Variants in LRMDA observed in about 807,000 individuals in gnomAD.
The protein encoded by LRMDA is leucine rich melanocyte differentiation associated, also known as leucine-rich melanocyte differentiation-associated protein.
LRMDA carries 18 observed loss-of-function variants against 29.8 expected under a neutral mutation model. The observed-to-expected ratio is 0.60, with a 90% CI of 0.42 to 0.90. The LOEUF (loss-of-function observed/expected upper bound fraction) is 0.90, where lower values mean the gene tolerates loss of function less well. LRMDA is among the 40% of genes least tolerant of loss of function. The pLI is 0.00. For missense variants in LRMDA, 273 were observed against 273.9 expected (o/e 1.00, Z 0.02); for synonymous variants, 125 against 109.4 (o/e 1.14, Z -0.89).
chr10:76,044,251 G>A (rs1240793980), intron 3 of LRMDA, among the ~76,000 whole-genome samples: 1 of 152,162 alleles, frequency 6.6e-6, no homozygotes, highest in Non-Finnish European at 1.5e-5. Context: ...AACCAAGCCT[G>A]GGACTGAGGC....
At chr10:76,540,600 TAC>T (rs1339484447) in intron 6 of LRMDA, among the ~76,000 whole-genome samples, 1 of 152,184 alleles carries the variant, frequency 6.6e-6, no homozygotes, top group East Asian at 1.9e-4. Context: ...TTCCAGTTGC[TAC>T]ACACACAATA....
chr10:75,801,216 A>G (rs547222763), intron 2 of LRMDA, among the ~76,000 whole-genome samples: 1 of 152,348 alleles, frequency 6.6e-6, no homozygotes, highest in Admixed American at 6.5e-5. Flanking sequence ...CTGTTCAGGG[A>G]TAAGCCCAGG....
chr10:75,968,725 C>T (rs1436479828), intron 2 of LRMDA, among the ~76,000 whole-genome samples: 1 of 152,182 alleles, frequency 6.6e-6, no homozygotes, highest in Non-Finnish European at 1.5e-5. Flanking sequence ...GTTGTTTTTC[C>T]TCTCATTCCT....
chr10:75,669,936 G>A (rs1027158935), intron 2 of LRMDA, among the ~76,000 whole-genome samples: 1 of 152,168 alleles, frequency 6.6e-6, no homozygotes. Flanking sequence ...GAGCAGATGA[G>A]AAGTACACTT....
At chr10:75,989,260 T>C (rs1474468494) in intron 2 of LRMDA, among the ~76,000 whole-genome samples, 4 of 152,184 alleles carry the variant, frequency 2.6e-5, no homozygotes, top group Non-Finnish European at 4.4e-5. Context: ...GATTGGGTAA[T>C]TTATAAAGAG....
chr10:75,522,269 G>A (rs1845370541), intron 2 of LRMDA, among the ~76,000 whole-genome samples: 1 of 152,202 alleles, frequency 6.6e-6, no homozygotes, highest in Non-Finnish European at 1.5e-5. Context: ...CATGTGGCTA[G>A]TAAGTTTCAT....
chr10:76,540,831 CATT>C (rs1462158943), intron 6 of LRMDA, among the ~76,000 whole-genome samples: 2 of 152,166 alleles, frequency 1.3e-5, no homozygotes, highest in African/African-American at 2.4e-5. Flanking sequence ...AGACTTGCCT[CATT>C]GTTGTACTGA....
chr10:76,442,082 A>G (rs1344905298), intron 6 of LRMDA, among the ~76,000 whole-genome samples: 2 of 151,932 alleles, frequency 1.3e-5, no homozygotes, highest in African/African-American at 4.8e-5. Flanking sequence ...TCTGATGAAA[A>G]CCCTCATAAT....
Position 76,047,322 on chromosome 10 carries a change from GA to G in LRMDA, c.398+20del. 6.3e-7 allele frequency: 1 copy of G among 1,586,642 alleles called. No individual in the cohort carries two copies. Among genetic ancestry groups the G allele is most frequent in the Non-Finnish European group, 8.6e-7 (1 of 1,168,566 alleles). On this transcript the variant is annotated intron_variant, in intron 4 of 6. Coordinates refer to ENST00000611255, the MANE Select transcript of LRMDA (RefSeq NM_001305581.2). ...GATACAGGTGAGTGTCCAGGGGTTG[GA>G]CCATGGTGGGAAAAGGGAAAAAGAG... is the stretch of plus-strand genomic sequence containing the variant.
chr10:76,174,148 G>A (rs117524783), intron 5 of LRMDA, among the ~76,000 whole-genome samples: 1 of 152,086 alleles, frequency 6.6e-6, no homozygotes, highest in Non-Finnish European at 1.5e-5. Context: ...TGTGATGTTA[G>A]CATTATCCTG....
chr10:75,534,826 C>T, intron 2 of LRMDA, among the ~76,000 whole-genome samples: 1 of 152,150 alleles, frequency 6.6e-6, no homozygotes, highest in East Asian at 1.9e-4. Flanking sequence ...ATGTTTCTTT[C>T]TTCCTCCCCT....
chr10:75,451,235 G>A (rs1164088577), intron 2 of LRMDA: 2 of 152,202 alleles, frequency 1.3e-5, no homozygotes, highest in Non-Finnish European at 2.9e-5. Flanking sequence ...TAGATACTGC[G>A]TGAGTGTGTC....
At chr10:75,533,156 G>A (rs1239039476) in intron 2 of LRMDA, among the ~76,000 whole-genome samples, 1 of 152,228 alleles carries the variant, frequency 6.6e-6, no homozygotes, top group African/African-American at 2.4e-5. Flanking sequence ...CTGCAGAGCT[G>A]TAGAATATTC....
intron 6 of LRMDA, among the ~76,000 whole-genome samples, chr10:76,391,109 T>C (rs533290934): frequency 1.3e-5 from 2 of 152,290 alleles, no homozygotes; most frequent in East Asian, 3.9e-4. Context: ...CTCTAACCAA[T>C]ATTCCAAAGA....
intron 2 of LRMDA, among the ~76,000 whole-genome samples, chr10:75,592,999 C>G (rs1589196361): frequency 6.6e-6 from 1 of 152,140 alleles, no homozygotes; most frequent in South Asian, 2.1e-4. Context: ...TCTCCACCCC[C>G]TCCTCCTCTC....
At chr10:75,627,973 T>C (rs1325842053) in intron 2 of LRMDA, among the ~76,000 whole-genome samples, 1 of 152,240 alleles carries the variant, frequency 6.6e-6, no homozygotes, top group Non-Finnish European at 1.5e-5. Flanking sequence ...CTGTCTGTCT[T>C]GGTCAACATA....
At chr10:76,531,768 G>T (rs939940345) in intron 6 of LRMDA, among the ~76,000 whole-genome samples, 1 of 152,056 alleles carries the variant, frequency 6.6e-6, no homozygotes, top group Admixed American at 6.6e-5. Flanking sequence ...TAATGTATTT[G>T]CCTGTTTTTG....
intron 2 of LRMDA, among the ~76,000 whole-genome samples, chr10:75,937,128 C>T (rs1410160866): frequency 6.6e-6 from 1 of 152,086 alleles, no homozygotes; most frequent in African/African-American, 2.4e-5. Flanking sequence ...CCAAGAATGA[C>T]AAGATACTCT....
At chr10:75,815,942 C>T (rs895161529) in intron 2 of LRMDA, among the ~76,000 whole-genome samples, 6 of 152,102 alleles carry the variant, frequency 3.9e-5, no homozygotes, top group African/African-American at 1.4e-4. Context: ...TAGTCACTTG[C>T]CCAAGATTGT....
Sources: allele counts gnomAD v4.1 joint callset (sites outside exome capture counted in the v4.1 genomes callset), GRCh38; gene constraint gnomAD v4.1.1; transcripts MANE v1.5; gene names NCBI Gene and HGNC (gene_info 2026-07-23, HGNC 2026-07-21).